The following NUP155 variants were observed in gnomAD, a reference collection of about 807,000 sequenced individuals.
NUP155 encodes the protein nucleoporin 155, also known as nuclear pore complex protein Nup155.
In NUP155, 71 loss-of-function variants were observed where a neutral mutation model predicts 180.4. The ratio of observed to expected loss-of-function variants is 0.39; its 90% CI spans 0.33 to 0.48. NUP155 has a LOEUF of 0.48. Among genes scored for constraint, NUP155 ranks in the 20% least tolerant of loss-of-function variants. The probability of loss-of-function intolerance (pLI) is 0.91; values close to 1 mark genes in which losing one functional copy is unlikely to be tolerated. For synonymous variants in NUP155, 582 were observed against 559.5 expected (o/e 1.04, Z -0.57); for missense variants, 1,553 against 1,648.9 (o/e 0.94, Z 1.01).
At position 37,327,713 on chromosome 5, in the gene NUP155, G is replaced by C; in HGVS notation, c.1940C>G (p.Thr647Arg). ...CALGNPATQATNMSCVTGPEI... is the reference protein window; with the variant it reads ...CALGNPATQARNMSCVTGPEI... ...TGGTCCAGTCACACAACTCATATTTGTGGCCTGAGTTGCTGGGTTTCCCAG... is the reference window on the plus strand; with the variant it reads ...TGGTCCAGTCACACAACTCATATTTCTGGCCTGAGTTGCTGGGTTTCCCAG... The change falls in exon 18 of 35, where the codon ACA (threonine) becomes AGA (arginine). Residue 647 changes from threonine to arginine, a missense_variant. Physicochemically the swap from Thr to Arg is moderately conservative, Grantham distance 71. Coordinates refer to ENST00000231498, the MANE Select transcript of NUP155 (RefSeq NM_153485.3). 1 of 1,614,090 alleles carries C rather than the reference G, an allele frequency of 6.2e-7. No homozygotes were observed. The highest frequency in any genetic ancestry group is 8.5e-7 in the Non-Finnish European group (1 of 1,179,990).
intron 9 of NUP155, among the ~76,000 whole-genome samples, chr5:37,344,375 C>T (rs539801199): frequency 1.7e-3 from 254 of 145,498 alleles, no homozygotes; most frequent in Non-Finnish European, 3.2e-3. Flanking sequence ...AGAAAATATA[C>T]ATATATAAAA....
At chr5:37,307,216 T>TAAAACAA (rs1415579689) in intron 25 of NUP155, 81 bp downstream of exon 25, 2 of 1,234,188 alleles carry the variant, frequency 1.6e-6, no homozygotes, top group South Asian at 1.4e-5. Flanking sequence ...AAAAAAAACA[T>TAAAACAA]AAAACAAAAA....
intron 9 of NUP155, among the ~76,000 whole-genome samples, chr5:37,343,775 C>T (rs1404262683): frequency 6.6e-6 from 1 of 151,898 alleles, no homozygotes; most frequent in East Asian, 1.9e-4. Context: ...TGCCTGTAAT[C>T]CCAGCTACTT....
chr5:37,299,028 AATGTTT>A, intron 31 of NUP155, 50 bp from the exon 32 acceptor site: 1 of 1,009,748 alleles, frequency 9.9e-7, no homozygotes, highest in Non-Finnish European at 1.6e-6. Context: ...TTTAATGTGA[AATGTTT>A]ACATTGGTTA....
rs216400 is a variant in NUP155 at position 37,298,905 on chromosome 5, G to A, written c.3756C>T (p.Gly1252=). 5.3e-3 allele frequency: 8,528 copies of A among 1,612,134 alleles called. 413 individuals carry two copies. In the African/African-American group the frequency reaches 0.1, roughly 19 times the overall value. Residue 1252 remains glycine (G), a synonymous_variant, in exon 32 of 35, where the codon GGC becomes GGT. Transcript: ENST00000231498. Reference sequence around the variant, plus strand: ...AGCGTGGTGTGCCAGCATAAATTTTGCCAAGGAGAACAATCTTGAGACTAA... The same window carrying A: ...AGCGTGGTGTGCCAGCATAAATTTTACCAAGGAGAACAATCTTGAGACTAA... ...HALSLKIVLL[G]KIYAGTPRFF... is the part of the protein sequence containing the mutation.
At chr5:37,340,992 A>G (rs965198442) in intron 11 of NUP155, 98 bp downstream of exon 11, 56 of 1,027,174 alleles carry the variant, frequency 5.5e-5, no homozygotes, top group Non-Finnish European at 7.8e-5. Context: ...CCCAGTTTCT[A>G]CTGTTGCCAT....
chr5:37,327,308 AAAGT>A, intron 18 of NUP155: 1 of 347,332 alleles, frequency 2.9e-6, no homozygotes. Flanking sequence ...AGTAATTAAG[AAAGT>A]CAAAAGTTGT....
chr5:37,304,965 T>A (rs1254167473), intron 26 of NUP155, 92 bp downstream of exon 26: 3 of 1,538,468 alleles, frequency 1.9e-6, no homozygotes, highest in Non-Finnish European at 2.7e-6. Flanking sequence ...TTCTAAGAAC[T>A]ACCACCTTTC....
At chr5:37,309,003 G>T (rs1350640662) in intron 24 of NUP155, 126 bp downstream of exon 24, 3 of 891,436 alleles carry the variant, frequency 3.4e-6, no homozygotes, top group Non-Finnish European at 5.4e-6. Flanking sequence ...CCTTTCACTC[G>T]GCCTCTGATG....
Position 37,331,751 on chromosome 5 carries a change from C to A in NUP155, c.1563G>T (p.Arg521Ser). The change falls in exon 14 of 35, where the codon AGG (arginine) becomes AGT (serine). Residue 521 changes from arginine (R) to serine (S), a missense_variant. Arg to Ser is a moderately radical substitution (Grantham distance 110, BLOSUM62 -1). Coordinates refer to ENST00000231498, the MANE Select transcript of NUP155 (RefSeq NM_153485.3). ...CTCCCACATTACTCACAAGTAGATG[C>A]CTCAGTTGATCTACAGGTCTAAGTT... Reference protein sequence around the residue: ...FHKLRPVDQLRHLLVSNVGGD... With the variant: ...FHKLRPVDQLSHLLVSNVGGD... The A allele has an allele frequency of 1.2e-6, 2 of 1,611,638 alleles. No homozygotes were observed. Among genetic ancestry groups the A allele is most frequent in the East Asian group, 2.2e-5 (1 of 44,834 alleles).
rs553615699 is a variant in NUP155, at chr5:37,364,011, C to G, written c.296-27G>C. On this transcript the variant is annotated intron_variant, in intron 2 of 34. Transcript: ENST00000231498. ...TGAGGTAGTGTGGATGTAAGGCAGA[C>G]AGAGGTGAATCTTATTCTTCTTTAA... 61 of 1,506,760 alleles carry G rather than the reference C, an allele frequency of 4.0e-5. 2 individuals are homozygous for G. In the South Asian group the frequency reaches 6.6e-4, roughly 16 times the overall value. The allele number at this position is 1,506,760 out of a possible 1,614,324, so 93.3% of individuals were successfully genotyped here. A position where few individuals can be genotyped will look rare whatever the true frequency, so the allele number is the denominator to read the frequency against.
At position 37,320,764 on chromosome 5, in the gene NUP155, C is replaced by A. The variant is rs542837782; in HGVS notation, c.2208-2679G>T. On this transcript the variant is annotated intron_variant, in intron 20 of 34. Coordinates refer to ENST00000231498, the MANE Select transcript of NUP155 (RefSeq NM_153485.3). The stretch of plus-strand genomic sequence containing the variant: ...AAAGACCATAATGTTAGAAAAAAAA[C>A]CAAACAAACTAAAAACATCTGACAA... 3.3e-5 allele frequency among the ~76,000 whole-genome samples: 5 copies of A among 151,890 alleles called. No homozygotes were observed. In the South Asian group the frequency reaches 6.2e-4, roughly 19 times the overall value.
rs1315845990 is a variant in NUP155 at position 37,305,125 on chromosome 5, T to C, written c.2989A>G (p.Lys997Glu). The change falls in exon 26 of 35, where the codon AAA becomes GAA. Residue 997 changes from lysine (K) to glutamate (E), a missense_variant. By Grantham distance (56) the Lys-to-Glu change is moderately conservative. Transcript: ENST00000231498. The stretch of plus-strand genomic sequence containing the variant: ...GACAACACTGGAGGACCAGGTTTTT[T>C]GGGTACACTGGGAGACTGAGGAGCG... The part of the protein sequence containing the change: ...KAAPQSPSVP[K>E]KPGPPVLSSD... 4.3e-6 allele frequency: 7 copies of C among 1,613,932 alleles called. No individual in the cohort carries two copies. Among genetic ancestry groups the C allele is most frequent in the Non-Finnish European group, 5.9e-6 (7 of 1,180,030 alleles).
At chr5:37,296,082 G>A (rs1317226777) in intron 32 of NUP155, among the ~76,000 whole-genome samples, 4 of 148,518 alleles carry the variant, frequency 2.7e-5, no homozygotes, top group African/African-American at 7.4e-5. Context: ...CCGGCCAGCC[G>A]CCCCGTCCGG....
intron 16 of NUP155, 121 bp downstream of exon 16, chr5:37,329,069 T>C: frequency 1.4e-6 from 1 of 728,246 alleles, no homozygotes. Context: ...ATAGATGTAT[T>C]CATCAATTAT....
intron 34 of NUP155, among the ~76,000 whole-genome samples, chr5:37,292,243 T>C (rs1409803171): frequency 2.7e-5 from 4 of 147,302 alleles, no homozygotes; most frequent in Non-Finnish European, 4.5e-5. Context: ...TGAGACGGAG[T>C]CTCGCTCTGT....
intron 12 of NUP155, among the ~76,000 whole-genome samples, 185 bp downstream of exon 12, chr5:37,337,633 C>T (rs1358353600): frequency 6.6e-6 from 1 of 151,954 alleles, no homozygotes; most frequent in Non-Finnish European, 1.5e-5. Flanking sequence ...TTTGTGATTA[C>T]CACAGTAACT....
chr5:37,367,565 C>T (rs1386461180), intron 1 of NUP155, among the ~76,000 whole-genome samples: 4 of 150,078 alleles, frequency 2.7e-5, no homozygotes, highest in Non-Finnish European at 5.9e-5. Context: ...CGGAGTCTCA[C>T]TCTGTCGCCC....
At chr5:37,361,582 G>A (rs928415822) in intron 3 of NUP155, among the ~76,000 whole-genome samples, 3 of 152,078 alleles carry the variant, frequency 2.0e-5, no homozygotes, top group Non-Finnish European at 2.9e-5. Flanking sequence ...ACAGCCTCTT[G>A]GAACTACGAT....
Sources: allele counts gnomAD v4.1 joint callset (sites outside exome capture counted in the v4.1 genomes callset), GRCh38; gene constraint gnomAD v4.1.1; transcripts MANE v1.5; gene names NCBI Gene and HGNC (gene_info 2026-07-23, HGNC 2026-07-21).